The following GRID2 variants were observed in gnomAD, a reference collection of about 807,000 sequenced individuals.
GRID2 encodes glutamate receptor ionotropic, delta-2.
In GRID2, 33 loss-of-function variants were observed where a neutral mutation model predicts 114.8. The ratio of observed to expected loss-of-function variants is 0.29; its 90% confidence interval spans 0.22 to 0.38. The LOEUF (loss-of-function observed/expected upper bound fraction) is 0.38. Ranked by LOEUF, GRID2 falls within the 10% of genes least tolerant of loss-of-function variation. The probability of loss-of-function intolerance (pLI) is 1.00; values close to 1 mark genes in which losing one functional copy is unlikely to be tolerated. For missense variants in GRID2, 1,184 were observed against 1,257.7 expected (o/e 0.94, Z 0.89); for synonymous variants, 505 against 449.9 (o/e 1.12, Z -1.55).
At chr4:92,915,045 A>G (rs1748676213) in intron 2 of GRID2, among the ~76,000 whole-genome samples, 1 of 152,154 alleles carries the variant, frequency 6.6e-6, no homozygotes, top group South Asian at 2.1e-4. Flanking sequence ...GAAACTTACA[A>G]TCATGGCCGA....
At chr4:93,677,471 GCCT>G (rs1328523367) in intron 14 of GRID2, among the ~76,000 whole-genome samples, 1 of 152,164 alleles carries the variant, frequency 6.6e-6, no homozygotes, top group Non-Finnish European at 1.5e-5. Flanking sequence ...CGGGCAGACT[GCCT>G]CCTCAAGTGG....
At chr4:92,475,126 AATAAAT>A (rs1468681767) in intron 1 of GRID2, among the ~76,000 whole-genome samples, 2 of 122,314 alleles carry the variant, frequency 1.6e-5, no homozygotes, top group African/African-American at 6.5e-5. Flanking sequence ...TAATAATAAT[AATAAAT>A]AATAATAATA....
chr4:93,464,861 A>T (rs144485927), intron 11 of GRID2, among the ~76,000 whole-genome samples: 157 of 152,310 alleles, frequency 1.0e-3, no homozygotes, highest in African/African-American at 2.8e-3. Context: ...ATTGCTGCAC[A>T]GTGTATTCTA....
intron 13 of GRID2, among the ~76,000 whole-genome samples, chr4:93,595,050 G>C (rs13121466): frequency 0.19 from 28,142 of 152,048 alleles, 3,082 homozygotes; most frequent in Middle Eastern, 0.3. Flanking sequence ...GACCAGAGCT[G>C]TTCCTATTCA....
intron 1 of GRID2, among the ~76,000 whole-genome samples, chr4:92,429,956 G>A (rs922673922): frequency 6.6e-6 from 1 of 152,012 alleles, no homozygotes; most frequent in Non-Finnish European, 1.5e-5. Flanking sequence ...CAGATTATTA[G>A]ATTTTTTCCT....
intron 2 of GRID2, among the ~76,000 whole-genome samples, chr4:92,718,873 T>G (rs1560551478): frequency 6.6e-6 from 1 of 152,088 alleles, no homozygotes; most frequent in Non-Finnish European, 1.5e-5. Context: ...TTAAAGAATT[T>G]TTATTAAAGA....
intron 1 of GRID2, among the ~76,000 whole-genome samples, chr4:92,447,953 G>A (rs1182342381): frequency 6.6e-6 from 1 of 152,116 alleles, no homozygotes; most frequent in Non-Finnish European, 1.5e-5. Context: ...TTGCTGACTA[G>A]CTGAAGTGCT....
At chr4:92,940,685 T>C (rs1178826188) in intron 2 of GRID2, among the ~76,000 whole-genome samples, 1 of 152,142 alleles carries the variant, frequency 6.6e-6, no homozygotes, top group Non-Finnish European at 1.5e-5. Context: ...GCCCATTCAG[T>C]ATGATATTGG....
intron 8 of GRID2, among the ~76,000 whole-genome samples, chr4:93,266,650 G>A (rs1014407687): frequency 2.0e-5 from 3 of 152,120 alleles, no homozygotes; most frequent in African/African-American, 7.2e-5. Flanking sequence ...CTGACCTCAG[G>A]TGATCCACCC....
chr4:92,541,383 A>T (rs1183972024), intron 1 of GRID2, among the ~76,000 whole-genome samples: 2 of 152,076 alleles, frequency 1.3e-5, no homozygotes, highest in Non-Finnish European at 2.9e-5. Flanking sequence ...AAATCAAAAA[A>T]TGTTTTAGTT....
rs555069400 is a variant in GRID2, at chr4:93,073,506, A to G, written c.245-11489A>G. 4.6e-5 allele frequency among the ~76,000 whole-genome samples: 7 copies of G among 152,200 alleles called. No homozygotes were observed. In the South Asian group the frequency reaches 1.2e-3, roughly 27 times the overall value. On this transcript the variant is annotated intron_variant, in intron 2 of 15. Transcript: ENST00000282020. ...ACTTCCAGGCAACAGTAGGCTATTG[A>G]TCGTTAAGTTTTGGGGTAGTCAAAA... is the stretch of plus-strand genomic sequence containing the variant.
intron 2 of GRID2, among the ~76,000 whole-genome samples, chr4:92,985,048 TG>T (rs1754423760): frequency 1.3e-5 from 2 of 152,220 alleles, no homozygotes; most frequent in South Asian, 4.1e-4. Flanking sequence ...GAAAAACATA[TG>T]AGGGGGAAGT....
intron 14 of GRID2, among the ~76,000 whole-genome samples, chr4:93,671,875 T>C (rs2110067899): frequency 6.6e-6 from 1 of 152,070 alleles, no homozygotes; most frequent in African/African-American, 2.4e-5. Context: ...ACTTGGAGGC[T>C]GAGGCAGGAG....
chr4:93,328,701 G>T (rs1432630507), intron 8 of GRID2, among the ~76,000 whole-genome samples: 1 of 148,230 alleles, frequency 6.7e-6, no homozygotes, highest in Admixed American at 6.8e-5. Flanking sequence ...ATGGATGGAT[G>T]GATGGTTGGA....
intron 2 of GRID2, among the ~76,000 whole-genome samples, chr4:92,991,206 A>G (rs192149177): frequency 6.6e-6 from 1 of 152,238 alleles, no homozygotes; most frequent in South Asian, 2.1e-4. Flanking sequence ...TTTAAAGCTC[A>G]GAATCTTGCA....
chr4:93,632,550 C>A (rs187211370), intron 14 of GRID2, among the ~76,000 whole-genome samples: 3 of 151,982 alleles, frequency 2.0e-5, no homozygotes, highest in South Asian at 2.1e-4. Flanking sequence ...TATTTCTGAG[C>A]GCTCTGTTCT....
chr4:92,495,992 T>C (rs1170149043), intron 1 of GRID2, among the ~76,000 whole-genome samples: 2 of 151,742 alleles, frequency 1.3e-5, no homozygotes, highest in African/African-American at 4.8e-5. Flanking sequence ...TTAAAGTAAA[T>C]ATGTATGAAC....
In GRID2 at chr4:92,723,731, T is replaced by G. The variant is rs114434543; in HGVS notation, c.244+133445T>G. ...CCAGGATGTAGCCACTTTCCCTGGT[T>G]CTGCTAATATAAGAAATAGGAGAGA... On this transcript the variant is annotated intron_variant, in intron 2 of 15. Coordinates refer to ENST00000282020, the MANE Select transcript of GRID2 (RefSeq NM_001510.4). Among the ~76,000 whole-genome samples the G allele has an allele frequency of 1.0e-2, 1,516 of 152,202 alleles. 22 individuals carry two copies. Among genetic ancestry groups the G allele is most frequent in the African/African-American group, 0.035 (1,453 of 41,500 alleles).
Position 93,515,415 on chromosome 4 carries a change from C to CT in GRID2, c.2193+5dup, listed in dbSNP as rs1729618760. 3.0e-5 allele frequency: 47 copies of CT among 1,584,158 alleles called. No individual in the cohort carries two copies. The highest frequency in any genetic ancestry group is 4.1e-5 in the Non-Finnish European group (47 of 1,153,800). ...GTCCCAGGCAGGCATTCAAAAGGTA[C>CT]TGTCCATGGTTCTCCTTTAATAGTC... On this transcript the variant is annotated splice_donor_region_variant and intron_variant, in intron 13 of 15. Transcript: ENST00000282020.
Sources: allele counts gnomAD v4.1 joint callset (sites outside exome capture counted in the v4.1 genomes callset), GRCh38; gene constraint gnomAD v4.1.1; transcripts MANE v1.5; gene names NCBI Gene and HGNC (gene_info 2026-07-23, HGNC 2026-07-21).